The following LINGO2 variants were observed in gnomAD, a reference collection of about 807,000 sequenced individuals.
LINGO2 encodes leucine-rich repeat and immunoglobulin-like domain-containing nogo receptor-interacting protein 2.
In LINGO2, 14 loss-of-function variants were observed where a neutral mutation model predicts 30.6. The ratio of observed to expected loss-of-function variants is 0.46; its 90% CI spans 0.30 to 0.72. The LOEUF is 0.72. Among genes scored for constraint, LINGO2 ranks in the 30% least tolerant of loss-of-function variants. The probability of loss-of-function intolerance (pLI) is 0.07; values close to 1 mark genes in which losing one functional copy is unlikely to be tolerated. For missense variants in LINGO2, 729 were observed against 751.7 expected, an observed-to-expected ratio of 0.97 and a Z score of 0.35; for synonymous variants, 317 against 288.5, an observed-to-expected ratio of 1.10 and a Z score of -1.00.
chr9:28,333,778 G>A (rs1035680930), intron 3 of LINGO2, among the ~76,000 whole-genome samples: 1 of 152,042 alleles, frequency 6.6e-6, no homozygotes, highest in Non-Finnish European at 1.5e-5. Context: ...TAAGATATTC[G>A]AACGGGGTAT....
At chr9:28,037,737 G>T (rs1439192672) in intron 4 of LINGO2, among the ~76,000 whole-genome samples, 3 of 152,216 alleles carry the variant, frequency 2.0e-5, no homozygotes, top group African/African-American at 7.2e-5. Context: ...GAATGAATTA[G>T]AACCCAGGAA....
the LINGO2 span, among the ~76,000 whole-genome samples, chr9:28,792,633 C>A: frequency 6.6e-6 from 1 of 151,994 alleles, no homozygotes; most frequent in Non-Finnish European, 1.5e-5. Context: ...ATGAAAACTT[C>A]ATATAAATAT....
At chr9:29,007,921 T>C in the LINGO2 span, among the ~76,000 whole-genome samples, 67 of 152,154 alleles carry the variant, frequency 4.4e-4, no homozygotes, top group Non-Finnish European at 6.6e-4. Context: ...GTAATATTTG[T>C]TTTTTATTTC....
At chr9:28,281,470 T>G in intron 4 of LINGO2, among the ~76,000 whole-genome samples, 1 of 13,292 alleles carries the variant, frequency 7.5e-5, no homozygotes, top group Non-Finnish European at 2.4e-4. Flanking sequence ...AAAATTTACA[T>G]ATATATATAT....
chr9:28,032,265 A>G (rs984263038), intron 4 of LINGO2, among the ~76,000 whole-genome samples: 5 of 151,946 alleles, frequency 3.3e-5, no homozygotes, highest in African/African-American at 1.2e-4. Context: ...TTCTCTTGGT[A>G]CTTGGTTTGA....
chr9:28,384,109 T>C (rs1821471354), intron 2 of LINGO2, among the ~76,000 whole-genome samples: 1 of 151,572 alleles, frequency 6.6e-6, no homozygotes, highest in South Asian at 2.1e-4. Context: ...CTGATCTCTA[T>C]CATAATAGTT....
Position 28,424,391 on chromosome 9 carries a change from C to T in LINGO2, c.-278-51523G>A, listed in dbSNP as rs75712727. Reference sequence around the variant, plus strand: ...GAGAATAGACAAAATGTGGGAGAACCGAGGTACCGTAGCCAATAGCTAGAC... The same window carrying T: ...GAGAATAGACAAAATGTGGGAGAACTGAGGTACCGTAGCCAATAGCTAGAC... On this transcript the variant is annotated intron_variant, in intron 2 of 5. Coordinates refer to ENST00000379992, the Ensembl canonical transcript of LINGO2. Among the ~76,000 whole-genome samples, 630 of 152,186 alleles carry T rather than the reference C, an allele frequency of 4.1e-3. 3 individuals are homozygous for T. The highest frequency in any genetic ancestry group is 6.4e-3 in the Non-Finnish European group (438 of 67,996).
chr9:29,197,367 G>A, the LINGO2 span, among the ~76,000 whole-genome samples: 2,126 of 152,012 alleles, frequency 0.014, 58 homozygotes, highest in African/African-American at 0.048. Context: ...ACAAGAGGAT[G>A]GTTCAAAAGT....
chr9:28,226,374 A>C (rs1821143358), intron 4 of LINGO2, among the ~76,000 whole-genome samples: 1 of 152,038 alleles, frequency 6.6e-6, no homozygotes, highest in South Asian at 2.1e-4. Context: ...GGTAGAGTAG[A>C]AATGTCTTCC....
intron 5 of LINGO2, among the ~76,000 whole-genome samples, chr9:27,959,429 A>G (rs1041825725): frequency 6.6e-6 from 1 of 152,182 alleles, no homozygotes; most frequent in Non-Finnish European, 1.5e-5. Flanking sequence ...CTTTAGCTAC[A>G]TATCACAAAT....
At chr9:28,137,103 G>T (rs1306207653) in intron 4 of LINGO2, among the ~76,000 whole-genome samples, 1 of 151,846 alleles carries the variant, frequency 6.6e-6, no homozygotes, top group Non-Finnish European at 1.5e-5. Context: ...CTTGCCAACT[G>T]CAGGGGAGTT....
intron 5 of LINGO2, among the ~76,000 whole-genome samples, chr9:27,952,475 A>T (rs898596644): frequency 6.6e-6 from 1 of 152,030 alleles, no homozygotes; most frequent in Non-Finnish European, 1.5e-5. Context: ...AAGAAAACAT[A>T]TATGAAAATA....
At chr9:27,948,063 AT>A (rs1823437030), downstream of LINGO2, 1 of 152,246 alleles carries the variant, frequency 6.6e-6, no homozygotes, top group Admixed American at 6.5e-5. Context: ...TATTACAAGT[AT>A]AAAAAATATT....
the LINGO2 span, among the ~76,000 whole-genome samples, chr9:28,705,604 C>A: frequency 1.3e-5 from 2 of 152,088 alleles, no homozygotes; most frequent in African/African-American, 4.8e-5. Context: ...CTTTTCTGCT[C>A]CCACTGCCAG....
chr9:28,148,815 C>G lies in LINGO2; in HGVS notation c.-86-136410G>C. On this transcript the variant is annotated intron_variant, in intron 4 of 5. Coordinates refer to ENST00000379992, the Ensembl canonical transcript of LINGO2. This position sits in a 1 kb window ranked among gnomAD's most constrained non-coding sequence, Gnocchi z 5.1. ...TGCTCCCTGTGGCCAGAGAAGGCGG[C>G]CTTGAAGGTGCTGGGTAAAGACCAC... The G allele has an allele frequency of 6.5e-7, 1 of 1,533,878 alleles. No homozygotes were observed. The highest frequency in any genetic ancestry group is 1.2e-5 in the South Asian group (1 of 83,968).
intron 1 of LINGO2, among the ~76,000 whole-genome samples, chr9:28,612,217 A>G (rs1825949411): frequency 6.6e-6 from 1 of 152,026 alleles, no homozygotes; most frequent in Non-Finnish European, 1.5e-5. Context: ...TTGTGTTACC[A>G]AGTCCAGCTA....
intron 4 of LINGO2, among the ~76,000 whole-genome samples, chr9:28,096,924 G>A (rs575380641): frequency 1.3e-5 from 2 of 151,842 alleles, no homozygotes; most frequent in African/African-American, 4.8e-5. Flanking sequence ...TTACTGACCT[G>A]TTCTGTATGT....
At chr9:28,291,533 A>G (rs1349855803) in intron 4 of LINGO2, among the ~76,000 whole-genome samples, 1 of 152,226 alleles carries the variant, frequency 6.6e-6, no homozygotes, top group African/African-American at 2.4e-5. Context: ...TTTTTTTAAA[A>G]GAACCAAATG....
At chr9:28,643,260 G>GA (rs1827684266) in intron 1 of LINGO2, among the ~76,000 whole-genome samples, 1 of 151,864 alleles carries the variant, frequency 6.6e-6, no homozygotes, top group South Asian at 2.1e-4. Context: ...GATAAAACAG[G>GA]AAAAATCACA....
Sources: gnomAD v4.1 joint callset for allele counts (sites outside exome capture counted in the v4.1 genomes callset) on GRCh38, gnomAD v4.1.1 for gene constraint, Gnocchi (gnomAD v3.1) non-coding constraint, MANE v1.5 for transcripts, NCBI Gene and HGNC (gene_info 2026-07-23, HGNC 2026-07-21) for gene names.